The following DNAH14 variants were observed in gnomAD, a reference collection of about 807,000 sequenced individuals.
The protein encoded by DNAH14 is axonemal beta dynein heavy chain 14.
In DNAH14, 478 loss-of-function variants were observed where a neutral mutation model predicts 520.9. That is an observed-to-expected ratio of 0.92 (90% CI 0.85 to 0.99). The LOEUF (loss-of-function observed/expected upper bound fraction) is 0.99. Ranked by LOEUF, DNAH14 falls within the 50% of genes least tolerant of loss-of-function variation. The pLI is 0.00. For synonymous variants in DNAH14, 1,581 were observed against 1,757.2 expected (o/e 0.90, Z 2.51); for missense variants, 4,831 against 5,234.5 (o/e 0.92, Z 2.38).
At chr1:225,120,314 C>G (rs1483312000) in intron 26 of DNAH14, among the ~76,000 whole-genome samples, 1 of 152,156 alleles carries the variant, frequency 6.6e-6, no homozygotes, top group Non-Finnish European at 1.5e-5. Context: ...GCTGATCCAT[C>G]AAGTGCAGGG....
chr1:225,274,045 C>T (rs1218117210), intron 52 of DNAH14, among the ~76,000 whole-genome samples: 20 of 152,034 alleles, frequency 1.3e-4, no homozygotes, highest in Admixed American at 1.3e-3. Flanking sequence ...TGGATATATA[C>T]CCACTAATGG....
intron 11 of DNAH14, chr1:225,024,672 CTTACCTA>C (rs1401656822): frequency 8.5e-5 from 13 of 152,128 alleles, no homozygotes; most frequent in African/African-American, 3.1e-4. Flanking sequence ...GCTAACATCA[CTTACCTA>C]AGGACTTATA....
intron 42 of DNAH14, among the ~76,000 whole-genome samples, chr1:225,233,325 TA>T (rs2091296763): frequency 6.6e-6 from 1 of 152,228 alleles, no homozygotes; most frequent in African/African-American, 2.4e-5. Context: ...ATATACCCAG[TA>T]ATGGGATTGC....
intron 27 of DNAH14, among the ~76,000 whole-genome samples, chr1:225,139,538 C>A (rs762174254): frequency 2.0e-5 from 3 of 152,174 alleles, no homozygotes; most frequent in Non-Finnish European, 4.4e-5. Context: ...TAAAAAGACA[C>A]ATGGGAGAAT....
chr1:225,206,261 G>A (rs1559288763), intron 40 of DNAH14, 82 bp downstream of exon 40: 6 of 1,250,462 alleles, frequency 4.8e-6, no homozygotes, highest in Middle Eastern at 2.0e-4. Context: ...AGCATTTTAT[G>A]TTTATTTTAT....
intron 55 of DNAH14, among the ~76,000 whole-genome samples, chr1:225,293,830 T>TAA (rs78722574): frequency 7.9e-4 from 120 of 151,368 alleles, no homozygotes; most frequent in African/African-American, 2.9e-3. Context: ...GTTTTTTTTT[T>TAA]AAAAAAAGAG....
intron 45 of DNAH14, 53 bp from the exon 46 acceptor site, chr1:225,259,068 A>C (rs2092839462): frequency 6.8e-7 from 1 of 1,466,926 alleles, no homozygotes; most frequent in Non-Finnish European, 9.0e-7. Context: ...TAATGTGTTA[A>C]CATGTATCAT....
chr1:225,057,976 T>C lies in DNAH14; in HGVS notation c.2424+6181T>C, dbSNP rs572241295. On this transcript the variant is annotated intron_variant, in intron 17 of 85. Transcript: ENST00000682510. The stretch of plus-strand genomic sequence containing the variant: ...TTGCATTGATGTTCATCAGGGATAT[T>C]GGTCTAAAATTCTCTTTTTTTTGTT... 2.6e-5 allele frequency among the ~76,000 whole-genome samples: 4 copies of C among 152,334 alleles called. No homozygotes were observed. In the South Asian group the frequency reaches 8.3e-4, roughly 32 times the overall value.
intron 1 of DNAH14, among the ~76,000 whole-genome samples, chr1:224,932,559 T>C (rs2058764356): frequency 6.6e-6 from 1 of 152,186 alleles, no homozygotes; most frequent in Admixed American, 6.5e-5. Context: ...TTCCCTAGTT[T>C]TGGATCTTAT....
Position 225,290,045 on chromosome 1 carries a change from C to CT in DNAH14, c.8432_8433insT (p.Thr2812HisfsTer30). The CT allele has an allele frequency of 6.6e-7, 1 of 1,511,634 alleles. No homozygotes were observed. 93.6% of individuals were successfully genotyped at this position (1,511,634 alleles called of 1,614,324 possible). A position where few individuals can be genotyped will look rare whatever the true frequency, so the allele number is the denominator to read the frequency against. Reference sequence around the variant, plus strand: ...ATTCACGCAGGATTAAAAGGGAAACCCACTGTTCTGATGGTTCCCAATTTA... The same window carrying CT: ...ATTCACGCAGGATTAAAAGGGAAACCTCACTGTTCTGATGGTTCCCAATTTA... On this transcript the variant is annotated frameshift_variant, in exon 55 of 86. Transcript: ENST00000682510. LOFTEE classifies it high-confidence loss of function.
chr1:225,169,873 G>T (rs1193931895), intron 36 of DNAH14, among the ~76,000 whole-genome samples: 1 of 152,172 alleles, frequency 6.6e-6, no homozygotes, highest in African/African-American at 2.4e-5. Context: ...CAGAGAGAAA[G>T]GTCGGGTTAC....
intron 22 of DNAH14, among the ~76,000 whole-genome samples, chr1:225,098,178 T>C (rs1287714915): frequency 1.3e-5 from 2 of 151,420 alleles, no homozygotes; most frequent in Non-Finnish European, 2.9e-5. Context: ...GCCTGAACCA[T>C]ACCACAGAGA....
chr1:224,964,312 T>C (rs2061020092), intron 4 of DNAH14, among the ~76,000 whole-genome samples, 167 bp from the exon 5 acceptor site: 1 of 152,198 alleles, frequency 6.6e-6, no homozygotes, highest in Non-Finnish European at 1.5e-5. Context: ...TTCTAACTTC[T>C]GTTAAAACTG....
chr1:225,222,394 T>C (rs964880473), intron 41 of DNAH14, among the ~76,000 whole-genome samples: 2 of 152,130 alleles, frequency 1.3e-5, no homozygotes, highest in Non-Finnish European at 2.9e-5. Flanking sequence ...AATGAAGCCG[T>C]GGACCTTCAC....
At chr1:225,145,576 T>C (rs2079856843) in intron 30 of DNAH14, among the ~76,000 whole-genome samples, 197 bp downstream of exon 30, 1 of 152,226 alleles carries the variant, frequency 6.6e-6, no homozygotes, top group Non-Finnish European at 1.5e-5. Flanking sequence ...ACATATACGA[T>C]GCTTTTATTC....
intron 77 of DNAH14, among the ~76,000 whole-genome samples, chr1:225,371,774 G>A (rs781632542): frequency 7.2e-5 from 11 of 152,018 alleles, no homozygotes; most frequent in Admixed American, 1.3e-4. Flanking sequence ...GTAAACACCC[G>A]GGAATGGAAG....
At chr1:225,379,879 T>A (rs1270595768) in intron 79 of DNAH14, among the ~76,000 whole-genome samples, 1 of 152,242 alleles carries the variant, frequency 6.6e-6, no homozygotes, top group East Asian at 1.9e-4. Flanking sequence ...AGGTACATAG[T>A]AATGTTTCAA....
intron 58 of DNAH14, among the ~76,000 whole-genome samples, chr1:225,306,048 A>G (rs1316856142): frequency 2.6e-5 from 4 of 152,210 alleles, no homozygotes. Context: ...TCTCTGTCTC[A>G]ACTGGCCAGC....
chr1:224,979,477 G>A (rs2062105307), intron 8 of DNAH14, among the ~76,000 whole-genome samples: 1 of 152,200 alleles, frequency 6.6e-6, no homozygotes, highest in Admixed American at 6.5e-5. Context: ...CATCCCAGTG[G>A]TTGGAACTTG....
Sources: gnomAD v4.1 joint callset for allele counts (sites outside exome capture counted in the v4.1 genomes callset) on GRCh38, gnomAD v4.1.1 for gene constraint, MANE v1.5 for transcripts, NCBI Gene and HGNC (gene_info 2026-07-23, HGNC 2026-07-21) for gene names.